SENP6: variants seen among roughly 807,000 people sequenced by gnomAD.
SENP6 encodes SUMO specific peptidase 6, also known as sentrin-specific protease 6.
SENP6 carries 41 observed loss-of-function variants against 134.5 expected under a neutral mutation model. The ratio of observed to expected loss-of-function variants is 0.30; its 90% CI spans 0.24 to 0.40. The LOEUF is 0.40. SENP6 is among the 10% of genes least tolerant of loss of function. SENP6 has a pLI of 1.00. For synonymous variants in SENP6, 395 were observed against 429.8 expected (o/e 0.92, Z 1.00); for missense variants, 1,248 against 1,312.5 (o/e 0.95, Z 0.76).
chr6:75,690,498 CAG>C (rs920744682), intron 16 of SENP6, among the ~76,000 whole-genome samples: 7 of 152,134 alleles, frequency 4.6e-5, no homozygotes, highest in African/African-American at 1.7e-4. Flanking sequence ...TTCATAGAAA[CAG>C]AAAATAGAAT....
chr6:75,648,874 G>C (rs1343178294), intron 7 of SENP6, among the ~76,000 whole-genome samples: 1 of 152,164 alleles, frequency 6.6e-6, no homozygotes, highest in Non-Finnish European at 1.5e-5. Context: ...GTAAATGACA[G>C]AGCTGGTATT....
At chr6:75,684,344 C>G (rs1773678884) in intron 16 of SENP6, among the ~76,000 whole-genome samples, 1 of 152,166 alleles carries the variant, frequency 6.6e-6, no homozygotes, top group Admixed American at 6.5e-5. Context: ...CATCTGCAAA[C>G]AGGGACAGTT....
chr6:75,650,888 A>T (rs1770810896), intron 7 of SENP6, among the ~76,000 whole-genome samples: 1 of 152,188 alleles, frequency 6.6e-6, no homozygotes, highest in African/African-American at 2.4e-5. Context: ...CCTAAACGAT[A>T]TCATGGTCTT....
chr6:75,614,085 T>A (rs1226420624), intron 1 of SENP6, among the ~76,000 whole-genome samples: 1 of 152,154 alleles, frequency 6.6e-6, no homozygotes, highest in Non-Finnish European at 1.5e-5. Context: ...ATGATTCAAG[T>A]CAGGTTATGC....
At chr6:75,647,840 A>C in intron 7 of SENP6, 39 bp downstream of exon 7, 1 of 1,469,588 alleles carries the variant, frequency 6.8e-7, no homozygotes, top group East Asian at 2.3e-5. Context: ...AAGGATTTCA[A>C]ATTGCTGTAT....
At chr6:75,610,111 G>A (rs536298698) in intron 1 of SENP6, among the ~76,000 whole-genome samples, 1 of 152,038 alleles carries the variant, frequency 6.6e-6, no homozygotes, top group Non-Finnish European at 1.5e-5. Flanking sequence ...TAGTTGATTG[G>A]GAATGGATTC....
intron 23 of SENP6, 121 bp from the exon 24 acceptor site, chr6:75,715,264 A>G: frequency 1.4e-6 from 1 of 722,120 alleles, no homozygotes; most frequent in Non-Finnish European, 2.4e-6. Context: ...GATAGATAAT[A>G]CAGAAATACA....
intron 18 of SENP6, among the ~76,000 whole-genome samples, chr6:75,699,073 T>A (rs1774848014): frequency 6.6e-6 from 1 of 151,352 alleles, no homozygotes; most frequent in Non-Finnish European, 1.5e-5. Flanking sequence ...TGGGTACTAA[T>A]TTGTCTTGTA....
intron 16 of SENP6, among the ~76,000 whole-genome samples, chr6:75,693,782 A>G (rs997150775): frequency 6.6e-6 from 1 of 152,212 alleles, no homozygotes; most frequent in African/African-American, 2.4e-5. Flanking sequence ...ATTTCACAAG[A>G]CTTTCAGACT....
intron 5 of SENP6, among the ~76,000 whole-genome samples, chr6:75,638,614 ATATATATATTTT>A (rs1414172563): frequency 2.0e-3 from 70 of 35,806 alleles, no homozygotes; most frequent in East Asian, 0.019. Context: ...ATATATATAT[ATATATATATTTT>A]TTTTTTTTTT....
chr6:75,690,204 C>T (rs774887596), intron 16 of SENP6, among the ~76,000 whole-genome samples: 2 of 152,206 alleles, frequency 1.3e-5, no homozygotes, highest in African/African-American at 4.8e-5. Context: ...AGCCACTGCT[C>T]CCAACCAGAA....
chr6:75,612,223 A>T (rs1767505775), intron 1 of SENP6, among the ~76,000 whole-genome samples: 1 of 152,178 alleles, frequency 6.6e-6, no homozygotes, highest in South Asian at 2.1e-4. Context: ...TAACATGGTG[A>T]CTCAAGGCTT....
chr6:75,690,264 A>G (rs1774145924), intron 16 of SENP6, among the ~76,000 whole-genome samples: 1 of 152,218 alleles, frequency 6.6e-6, no homozygotes, highest in Non-Finnish European at 1.5e-5. Flanking sequence ...AACAGCATTC[A>G]TAATAGCTGA....
intron 7 of SENP6, among the ~76,000 whole-genome samples, chr6:75,656,272 TA>T (rs1771332826): frequency 6.6e-6 from 1 of 151,518 alleles, no homozygotes; most frequent in South Asian, 2.1e-4. Context: ...GGGAGTATCC[TA>T]ATCTTCATGT....
At chr6:75,649,520 G>T (rs1487097412) in intron 7 of SENP6, among the ~76,000 whole-genome samples, 2 of 152,006 alleles carry the variant, frequency 1.3e-5, no homozygotes, top group African/African-American at 4.8e-5. Flanking sequence ...TTGTTTGTTT[G>T]TTGTTGTTGT....
At chr6:75,669,288 G>A (rs1772486657) in intron 10 of SENP6, among the ~76,000 whole-genome samples, 1 of 152,130 alleles carries the variant, frequency 6.6e-6, no homozygotes, top group African/African-American at 2.4e-5. Context: ...CTAGGGAGGT[G>A]GAGGTTGCGG....
chr6:75,647,871 G>A (rs1239801521), intron 7 of SENP6, 70 bp downstream of exon 7: 3 of 1,196,068 alleles, frequency 2.5e-6, no homozygotes, highest in African/African-American at 1.5e-5. Flanking sequence ...ATGGAGATAC[G>A]ATGCTGGCTT....
intron 21 of SENP6, among the ~76,000 whole-genome samples, chr6:75,712,886 C>G (rs1024587932): frequency 6.6e-6 from 1 of 152,088 alleles, no homozygotes; most frequent in Non-Finnish European, 1.5e-5. Flanking sequence ...GGGCAGATAG[C>G]TTGAGCCCAG....
At chr6:75,645,100 A>G (rs992269606) in intron 6 of SENP6, among the ~76,000 whole-genome samples, 2 of 152,190 alleles carry the variant, frequency 1.3e-5, no homozygotes, top group Non-Finnish European at 1.5e-5. Context: ...GGTTTATGAA[A>G]TGGGACCTCT....
Sources: gnomAD v4.1 joint callset for allele counts (sites outside exome capture counted in the v4.1 genomes callset) on GRCh38, gnomAD v4.1.1 for gene constraint, MANE v1.5 for transcripts, NCBI Gene and HGNC (gene_info 2026-07-23, HGNC 2026-07-21) for gene names.